Variants in PCDHGA5 observed in about 807,000 individuals in gnomAD.
PCDHGA5 encodes protocadherin gamma-A5.
In PCDHGA5, 36 loss-of-function variants were observed where a neutral mutation model predicts 56.7. The observed-to-expected ratio is 0.64, with a 90% CI of 0.49 to 0.84. The LOEUF is 0.84. Among genes scored for constraint, PCDHGA5 ranks in the 40% least tolerant of loss-of-function variants. The pLI is 0.00. For missense variants in PCDHGA5, 1,305 were observed against 1,201.5 expected (o/e 1.09, Z -1.27); for synonymous variants, 563 against 520.2 (o/e 1.08, Z -1.12).
At chr5:141,442,452 CA>C (rs2098325918) in intron 1 of PCDHGA5, 1 of 152,226 alleles carries the variant, frequency 6.6e-6, no homozygotes, top group Admixed American at 6.5e-5. Flanking sequence ...GACTCAATAG[CA>C]GTTTCACTGC....
At chr5:141,428,293 C>G (rs1278634119) in intron 1 of PCDHGA5, 1 of 716,436 alleles carries the variant, frequency 1.4e-6, no homozygotes, top group South Asian at 1.6e-5. Flanking sequence ...AGCAAAGCTG[C>G]AGATTTACCT....
chr5:141,415,041 G>T, intron 1 of PCDHGA5: 1 of 1,613,530 alleles, frequency 6.2e-7, no homozygotes, highest in Non-Finnish European at 8.5e-7. Flanking sequence ...GACTCTTCGC[G>T]GTGGGGGAGC....
chr5:141,387,752 GGAAAAAGAAGAATTTTTTCTT>G, intron 1 of PCDHGA5: 1 of 1,398,886 alleles, frequency 7.1e-7, no homozygotes, highest in Non-Finnish European at 9.5e-7. Context: ...CTTCCTCCTC[GGAAAAAGAAGAATTTTTTCTT>G]GAACTGGAAC....
intron 1 of PCDHGA5, chr5:141,411,426 A>T (rs115154023): frequency 6.6e-6 from 1 of 151,648 alleles, no homozygotes; most frequent in Non-Finnish European, 1.5e-5. Flanking sequence ...ACAACAACAA[A>T]AAAAAACATT....
Position 141,487,691 on chromosome 5 carries a change from A to T in PCDHGA5, c.2422-7116A>T. On this transcript the variant is annotated intron_variant, in intron 1 of 3. Transcript: ENST00000518069. The surrounding 1 kb of genome is among the most constrained non-coding windows in gnomAD (Gnocchi z 5.0). ...CATATGGCTAGGCCATGTCCTAGAG[A>T]GTACTGGCCTCTCAGTAAGTGCCCA... 6.2e-7 allele frequency: 1 copy of T among 1,604,122 alleles called. No individual in the cohort carries two copies. The highest frequency in any genetic ancestry group is 8.5e-7 in the Non-Finnish European group (1 of 1,174,384).
chr5:141,418,254 A>T (rs1217236221), intron 1 of PCDHGA5: 2 of 1,613,904 alleles, frequency 1.2e-6, no homozygotes, highest in African/African-American at 2.7e-5. Flanking sequence ...CACGCCCCTC[A>T]ATTCCGGAAA....
intron 1 of PCDHGA5, chr5:141,385,293 G>A: frequency 6.2e-7 from 1 of 1,613,166 alleles, no homozygotes; most frequent in Non-Finnish European, 8.5e-7. Flanking sequence ...TAGATTTTCA[G>A]GAATGTAAAG....
intron 1 of PCDHGA5, chr5:141,399,381 C>T: frequency 1.2e-6 from 2 of 1,613,982 alleles, no homozygotes; most frequent in Non-Finnish European, 8.5e-7. Flanking sequence ...ATGTCACCAT[C>T]ACAGCCACAG....
chr5:141,395,655 A>G (rs1302159911), intron 1 of PCDHGA5: 1 of 164,294 alleles, frequency 6.1e-6, no homozygotes, highest in East Asian at 1.8e-4. Context: ...GCTTAGCAAA[A>G]GTAAAATATA....
chr5:141,419,926 G>A lies in PCDHGA5; in HGVS notation c.2421+53175G>A. 3 of 1,614,096 alleles carry A rather than the reference G, an allele frequency of 1.9e-6. No homozygotes were observed. In the South Asian group the frequency reaches 3.3e-5, roughly 18 times the overall value. On this transcript the variant is annotated intron_variant, in intron 1 of 3. Transcript: ENST00000518069. ...CCTCTGACTCCCAGGCTGAGATGCA[G>A]TTTTACCTGGTGGTGGCCTTGGCCT... is the stretch of plus-strand genomic sequence containing the variant.
chr5:141,478,839 T>G, intron 1 of PCDHGA5: 6 of 1,423,322 alleles, frequency 4.2e-6, no homozygotes, highest in Non-Finnish European at 5.5e-6. Flanking sequence ...AAGGGATGGT[T>G]AAGCTAAAAC....
At chr5:141,411,846 T>C (rs962000304) in intron 1 of PCDHGA5, 1 of 151,734 alleles carries the variant, frequency 6.6e-6, no homozygotes, top group African/African-American at 2.4e-5. Context: ...GGTGACAGAG[T>C]GAGACCCTGT....
chr5:141,478,146 T>C (rs1457995929), intron 1 of PCDHGA5: 1 of 1,613,978 alleles, frequency 6.2e-7, no homozygotes, highest in Non-Finnish European at 8.5e-7. Context: ...CGAGCCGAGT[T>C]CCCCTCTGGC....
Position 141,414,833 on chromosome 5 carries a change from G to A in PCDHGA5, c.2421+48082G>A, listed in dbSNP as rs768992312. On this transcript the variant is annotated intron_variant, in intron 1 of 3. Coordinates refer to ENST00000518069, the MANE Select transcript of PCDHGA5 (RefSeq NM_018918.3). ...CCACTCAGCAGCAACGTGTCGTTGAGCCTGTTTGTGCTGGACCAGAACGAC... is the reference window on the plus strand; with the variant it reads ...CCACTCAGCAGCAACGTGTCGTTGAACCTGTTTGTGCTGGACCAGAACGAC... 1.9e-6 allele frequency: 3 copies of A among 1,614,098 alleles called. No homozygotes were observed. In the East Asian group the frequency reaches 6.7e-5, roughly 36 times the overall value.
At chr5:141,458,645 C>T (rs1162232847) in intron 1 of PCDHGA5, among the ~76,000 whole-genome samples, 2 of 152,170 alleles carry the variant, frequency 1.3e-5, no homozygotes, top group Non-Finnish European at 2.9e-5. Flanking sequence ...TCCCAGCTCA[C>T]TGCAACCTCC....
At chr5:141,409,614 T>C in intron 1 of PCDHGA5, 1 of 1,613,880 alleles carries the variant, frequency 6.2e-7, no homozygotes, top group Non-Finnish European at 8.5e-7. Flanking sequence ...GGAGCCTCCA[T>C]TGCGCAAGTG....
At chr5:141,478,016 G>A (rs1204231648) in intron 1 of PCDHGA5, 1 of 1,614,108 alleles carries the variant, frequency 6.2e-7, no homozygotes, top group Non-Finnish European at 8.5e-7. Context: ...TGCCCGTCCA[G>A]TCCAAGACAC....
Position 141,366,166 on chromosome 5 carries a change from C to T in PCDHGA5, c.1836C>T (p.Ser612=), listed in dbSNP as rs764048783. Residue 612 remains serine, a synonymous_variant, in exon 1 of 4, where the codon AGC becomes AGT. Transcript: ENST00000518069. Reference sequence around the variant, plus strand: ...TGTCCTACCGCCTGCTTAAGGCCAGCGAGCCAGGACTCTTTGCGGTTGGGC... The same window carrying T: ...TGTCCTACCGCCTGCTTAAGGCCAGTGAGCCAGGACTCTTTGCGGTTGGGC... ...AWLSYRLLKA[S]EPGLFAVGLH... is the part of the protein sequence containing the mutation. 6.2e-7 allele frequency: 1 copy of T among 1,614,076 alleles called. No individual in the cohort carries two copies.
At position 141,486,691 on chromosome 5, in the gene PCDHGA5, T is replaced by C. The variant is rs778748447; in HGVS notation, c.2422-8116T>C. 8 of 1,614,024 alleles carry C rather than the reference T, an allele frequency of 5.0e-6. No individual in the cohort carries two copies. The highest frequency in any genetic ancestry group is 1.3e-5 in the African/African-American group (1 of 74,922). The stretch of plus-strand genomic sequence containing the variant: ...GGAATCGAGATGTATCAGCTTCCTC[T>C]TTCATCTCTCTGAACCCCCAGACAG... On this transcript the variant is annotated intron_variant, in intron 1 of 3. Coordinates refer to ENST00000518069, the MANE Select transcript of PCDHGA5 (RefSeq NM_018918.3). The surrounding 1 kb of genome is among the most constrained non-coding windows in gnomAD (Gnocchi z 5.0).
Sources: gnomAD v4.1 joint callset for allele counts (sites outside exome capture counted in the v4.1 genomes callset) on GRCh38, gnomAD v4.1.1 for gene constraint, Gnocchi (gnomAD v3.1) non-coding constraint, MANE v1.5 for transcripts, NCBI Gene and HGNC (gene_info 2026-07-23, HGNC 2026-07-21) for gene names.